The following NTRK3 variants were observed in gnomAD, a reference collection of about 807,000 sequenced individuals.
NTRK3 encodes the protein neurotrophic receptor tyrosine kinase 3.
In NTRK3, 24 loss-of-function variants were observed where a neutral mutation model predicts 91.7. The ratio of observed to expected loss-of-function variants is 0.26; its 90% CI spans 0.19 to 0.37. NTRK3 has a LOEUF of 0.37. Ranked by LOEUF, NTRK3 falls within the 10% of genes least tolerant of loss-of-function variation. NTRK3 has a pLI of 1.00. For synonymous variants in NTRK3, 483 were observed against 404.0 expected (o/e 1.20, Z -2.34); for missense variants, 880 against 1,068.9 (o/e 0.82, Z 2.46).
chr15:87,982,826 C>A (rs1446075361), intron 14 of NTRK3, among the ~76,000 whole-genome samples: 1 of 152,226 alleles, frequency 6.6e-6, no homozygotes, highest in Non-Finnish European at 1.5e-5. Context: ...GAGATTCTTG[C>A]AGATTCTAAT....
intron 3 of NTRK3, among the ~76,000 whole-genome samples, chr15:88,207,791 G>C (rs1447357246): frequency 6.6e-6 from 1 of 152,192 alleles, no homozygotes; most frequent in Non-Finnish European, 1.5e-5. Flanking sequence ...CAACAGACCA[G>C]GGCCAGATGT....
chr15:88,098,132 C>A (rs2049810250), intron 13 of NTRK3, among the ~76,000 whole-genome samples: 1 of 152,116 alleles, frequency 6.6e-6, no homozygotes, highest in South Asian at 2.1e-4. Flanking sequence ...AAGGATAAGG[C>A]CAATAGGAAA....
chr15:88,150,500 T>C (rs2043272199), intron 5 of NTRK3, among the ~76,000 whole-genome samples: 1 of 152,156 alleles, frequency 6.6e-6, no homozygotes, highest in East Asian at 1.9e-4. Context: ...CTCCCAGGGC[T>C]GCCTTGGCTT....
At chr15:88,014,883 T>A (rs1189747574) in intron 14 of NTRK3, among the ~76,000 whole-genome samples, 19 of 152,162 alleles carry the variant, frequency 1.2e-4, no homozygotes, top group Non-Finnish European at 2.8e-4. Flanking sequence ...GCACAACAAA[T>A]CAAGAAATAA....
chr15:88,064,450 G>T (rs529578852), intron 13 of NTRK3, among the ~76,000 whole-genome samples: 1 of 152,084 alleles, frequency 6.6e-6, no homozygotes, highest in African/African-American at 2.4e-5. Flanking sequence ...CTCTACTGTT[G>T]GTTCTTTTTT....
At chr15:88,071,636 G>C (rs956068459) in intron 13 of NTRK3, among the ~76,000 whole-genome samples, 1 of 152,220 alleles carries the variant, frequency 6.6e-6, no homozygotes, top group African/African-American at 2.4e-5. Flanking sequence ...GGCCTAAGAG[G>C]TAAGACGTTA....
chr15:88,103,214 T>A (rs2050356405), intron 13 of NTRK3, among the ~76,000 whole-genome samples: 1 of 152,142 alleles, frequency 6.6e-6, no homozygotes, highest in Non-Finnish European at 1.5e-5. Context: ...GTACCCACAA[T>A]CAGTTGGTTT....
intron 3 of NTRK3, among the ~76,000 whole-genome samples, chr15:88,222,431 G>A (rs759545335): frequency 6.6e-6 from 1 of 152,168 alleles, no homozygotes; most frequent in African/African-American, 2.4e-5. Context: ...CACAGTTTAC[G>A]TTCCTAACCC....
intron 17 of NTRK3, among the ~76,000 whole-genome samples, chr15:87,893,084 A>G (rs1208949417): frequency 6.6e-6 from 1 of 152,176 alleles, no homozygotes; most frequent in Non-Finnish European, 1.5e-5. Context: ...ATATTTTTTC[A>G]ACATTCTTAT....
At chr15:88,020,113 C>T (rs2077502549) in intron 14 of NTRK3, among the ~76,000 whole-genome samples, 1 of 152,240 alleles carries the variant, frequency 6.6e-6, no homozygotes, top group East Asian at 1.9e-4. Flanking sequence ...GAGAACTCAG[C>T]GTAAAGCACA....
At chr15:88,236,341 T>C (rs1214685506) in intron 3 of NTRK3, among the ~76,000 whole-genome samples, 1 of 151,954 alleles carries the variant, frequency 6.6e-6, no homozygotes, top group Non-Finnish European at 1.5e-5. Flanking sequence ...TCCATTTCTA[T>C]GAAGCTGTAG....
intron 15 of NTRK3, among the ~76,000 whole-genome samples, chr15:87,936,787 A>G (rs1464008216): frequency 6.6e-6 from 1 of 152,186 alleles, no homozygotes; most frequent in African/African-American, 2.4e-5. Flanking sequence ...AGAGTCTCAC[A>G]CAACTTTACC....
intron 17 of NTRK3, among the ~76,000 whole-genome samples, chr15:87,889,000 C>CT (rs1355681730): frequency 1.3e-5 from 2 of 152,126 alleles, no homozygotes; most frequent in African/African-American, 4.8e-5. Context: ...CACAGAAAAA[C>CT]TTTCTTCTCT....
chr15:88,256,132 C>G (rs766330065), exon 3 of NTRK3: 2 of 1,567,984 alleles, frequency 1.3e-6, no homozygotes, highest in Middle Eastern at 1.7e-4. Flanking sequence ...CTACACTTGG[C>G]TGGGCAAAGA....
rs74251168 is a variant in NTRK3 at position 87,891,455 on chromosome 15, A to G, written c.2134-11027T>C. 3.3e-5 allele frequency among the ~76,000 whole-genome samples: 5 copies of G among 152,344 alleles called. No homozygotes were observed. The East Asian group carries it at 9.7e-4, about 29-fold the overall frequency. Reference sequence around the variant, plus strand: ...CAAAGTCAAAACCACAAAACAAGGTACATTCAAGCAAAATTTTGTCCCATC... The same window carrying G: ...CAAAGTCAAAACCACAAAACAAGGTGCATTCAAGCAAAATTTTGTCCCATC... On this transcript the variant is annotated intron_variant, in intron 17 of 18. Transcript: ENST00000394480.
chr15:87,870,222 A>G (rs1308592171), exon 19 of NTRK3: 2 of 186,458 alleles, frequency 1.1e-5, no homozygotes, highest in African/African-American at 2.3e-5. Flanking sequence ...ACACACAAAC[A>G]TATATATGTA....
At chr15:87,999,522 G>A (rs1055352567) in intron 14 of NTRK3, among the ~76,000 whole-genome samples, 9 of 152,200 alleles carry the variant, frequency 5.9e-5, no homozygotes, top group African/African-American at 2.2e-4. Flanking sequence ...GGATGTCACT[G>A]AATAAATAAC....
chr15:87,998,320 T>C (rs2075850571), intron 14 of NTRK3, among the ~76,000 whole-genome samples: 1 of 152,258 alleles, frequency 6.6e-6, no homozygotes, highest in Non-Finnish European at 1.5e-5. Flanking sequence ...CCATAACATA[T>C]ACTGATGCTG....
intron 14 of NTRK3, among the ~76,000 whole-genome samples, chr15:87,966,492 C>T (rs374022553): frequency 4.3e-4 from 65 of 152,252 alleles, no homozygotes; most frequent in African/African-American, 1.2e-3. Context: ...AAAGGGGTCT[C>T]GCGTACATAT....
Sources: allele counts gnomAD v4.1 joint callset (sites outside exome capture counted in the v4.1 genomes callset), GRCh38; gene constraint gnomAD v4.1.1; transcripts MANE v1.5; gene names NCBI Gene and HGNC (gene_info 2026-07-23, HGNC 2026-07-21).